The following KDM5C variants were observed in gnomAD, a reference collection of about 807,000 sequenced individuals.
KDM5C encodes the protein lysine-specific demethylase 5C.
In KDM5C, 16 loss-of-function variants were observed where a neutral mutation model predicts 110.6. The observed-to-expected ratio is 0.14, with a 90% confidence interval of 0.10 to 0.22. The LOEUF is 0.22. KDM5C is among the 10% of genes least tolerant of loss of function. The probability of loss-of-function intolerance (pLI) is 1.00; values close to 1 mark genes in which losing one functional copy is unlikely to be tolerated. For synonymous variants in KDM5C, 511 were observed against 520.4 expected (o/e 0.98, Z 0.24); for missense variants, 681 against 1,300.9 (o/e 0.52, Z 7.33).
At chrX:53,222,044 A>G (rs2073911461) in intron 1 of KDM5C, among the ~76,000 whole-genome samples, 1 of 111,378 alleles carries the variant, frequency 9.0e-6, no homozygotes, top group South Asian at 3.8e-4. Context: ...ATAAATGGGG[A>G]AAGTGAGGCT....
chrX:53,190,133 G>T (rs968213162), downstream of KDM5C, among the ~76,000 whole-genome samples: 1 of 112,253 alleles, frequency 8.9e-6, no homozygotes, highest in East Asian at 2.8e-4. Flanking sequence ...TGAGGGGGAG[G>T]GTGTCCCCTG....
intron 12 of KDM5C, among the ~76,000 whole-genome samples, chrX:53,203,048 C>T (rs976920697): frequency 3.6e-5 from 4 of 110,713 alleles, no homozygotes; most frequent in Non-Finnish European, 3.8e-5. Flanking sequence ...CCTCGTGATC[C>T]GCCCGCCTCG....
Position 53,192,873 on chromosome X carries a change from G to GCCCCCCCCCCCCCCC in KDM5C, c.*93_*94insGGGGGGGGGGGGGGG. ...AGCAGGGATGGCCACCCCCCTACCC[G>GCCCCCCCCCCCCCCC]CCCACCCCCCAAGAAGCAGGCTTGA... is the stretch of plus-strand genomic sequence containing the variant. On this transcript the variant is annotated 3_prime_UTR_variant, in exon 26 of 26. Coordinates refer to ENST00000375401, the MANE Select transcript of KDM5C (RefSeq NM_004187.5). The GCCCCCCCCCCCCCCC allele has an allele frequency of 8.7e-6, 2 of 230,670 alleles. No homozygotes were observed. Among genetic ancestry groups the GCCCCCCCCCCCCCCC allele is most frequent in the Non-Finnish European group, 1.3e-5 (2 of 159,369 alleles). 19.0% of individuals were successfully genotyped at this position (230,670 alleles called of 1,213,427 possible). A position where few individuals can be genotyped will look rare whatever the true frequency, so the allele number is the denominator to read the frequency against.
chrX:53,225,035 G>T lies in KDM5C; in HGVS notation c.-146C>A. ...CCGCCCGCCGAGGGCCTAAGGGGGC[G>T]TGTGGCCGTCGTGCTCTGAGAGTCT... On this transcript the variant is annotated 5_prime_UTR_variant, in exon 1 of 26. Coordinates refer to ENST00000375401, the MANE Select transcript of KDM5C (RefSeq NM_004187.5). 1.5e-6 allele frequency: 1 copy of T among 679,731 alleles called. No individual in the cohort carries two copies. Among genetic ancestry groups the T allele is most frequent in the Non-Finnish European group, 2.1e-6 (1 of 470,989 alleles). The allele number at this position is 679,731 out of a possible 1,213,427, so 56.0% of individuals were successfully genotyped here. A position where few individuals can be genotyped will look rare whatever the true frequency, so the allele number is the denominator to read the frequency against.
In KDM5C at chrX:53,225,126, C is replaced by T; in HGVS notation, c.-237G>A. ...TTTCTTCCAAACTGTGTGGTTGCCT[C>T]CCCACTACCGCAGCCTTCGCCACCA... On this transcript the variant is annotated 5_prime_UTR_variant, in exon 1 of 26. Transcript: ENST00000375401. 2.7e-6 allele frequency: 1 copy of T among 369,337 alleles called. No individual in the cohort carries two copies. The highest frequency in any genetic ancestry group is 4.4e-5 in the East Asian group (1 of 22,924). The allele number at this position is 369,337 out of a possible 1,213,427, so 30.4% of individuals were successfully genotyped here. A position where few individuals can be genotyped will look rare whatever the true frequency, so the allele number is the denominator to read the frequency against.
rs782096620 is a variant in KDM5C, at chrX:53,195,982, G to A, written c.3054C>T (p.Asn1018=). ...CAAGAGCCTCCTTGAGAGCCTGGAT[G>A]TTGGGCAGGTGAACAGGGATGTTTT... ...EAENIPVHLP[N]IQALKEALAK... The change falls in exon 20 of 26, where the codon AAC becomes AAT. Residue 1018 remains asparagine, a synonymous_variant. Coordinates refer to ENST00000375401, the MANE Select transcript of KDM5C (RefSeq NM_004187.5). The A allele has an allele frequency of 6.6e-6, 8 of 1,209,974 alleles. No individual in the cohort carries two copies. Among genetic ancestry groups the A allele is most frequent in the African/African-American group, 1.7e-5 (1 of 57,552 alleles).
At chrX:53,210,379 C>T (rs1556848154) in intron 12 of KDM5C, 35 bp downstream of exon 12, 3 of 1,208,727 alleles carry the variant, frequency 2.5e-6, no homozygotes, top group Admixed American at 4.3e-5. Context: ...CACTAAATCA[C>T]TCCTGCCGCT....
intron 19 of KDM5C, 141 bp downstream of exon 19, chrX:53,196,545 T>C (rs1055837506): frequency 3.2e-5 from 17 of 536,138 alleles, no homozygotes; most frequent in South Asian, 2.0e-4. Flanking sequence ...AACGACAAGA[T>C]AGACAACAAA....
intron 14 of KDM5C, chrX:53,201,330 T>C (rs2146862477): frequency 6.7e-6 from 3 of 444,668 alleles, no homozygotes; most frequent in East Asian, 3.8e-5. Context: ...ATAAGCATTA[T>C]CATAATCCCA....
intron 19 of KDM5C, among the ~76,000 whole-genome samples, 167 bp downstream of exon 19, chrX:53,196,519 A>G (rs781862584): frequency 9.0e-6 from 1 of 111,681 alleles, no homozygotes; most frequent in Non-Finnish European, 1.9e-5. Flanking sequence ...AAGTATACAG[A>G]GTTGTTTTTT....
intron 21 of KDM5C, 30 bp from the exon 22 acceptor site, chrX:53,195,098 C>A: frequency 1.7e-6 from 2 of 1,201,513 alleles, no homozygotes; most frequent in Non-Finnish European, 2.2e-6. Flanking sequence ...GAGGGAATGA[C>A]TGGGCTTCCC....
At position 53,201,710 on chromosome X, in the gene KDM5C, C is replaced by T. The variant is rs2146866623; in HGVS notation, c.1901G>A (p.Arg634His). 1 of 1,211,935 alleles carries T rather than the reference C, an allele frequency of 8.3e-7. No homozygotes were observed. Residue 634 changes from arginine to histidine, a missense_variant, in exon 14 of 26, where the codon CGC becomes CAC. Around this residue, in one of 14 missense-constraint regions of KDM5C, gnomAD observed 41 missense variants for 205.9 expected, o/e 0.20. Coordinates refer to ENST00000375401, the MANE Select transcript of KDM5C (RefSeq NM_004187.5). ...GAAGACGCAGTATCTCCGGAGCCGGCGGTAGTGCTCAATGCACTGGCGCCC... is the reference window on the plus strand; with the variant it reads ...GAAGACGCAGTATCTCCGGAGCCGGTGGTAGTGCTCAATGCACTGGCGCCC... ...PAGRQCIEHY[R>H]RLRRYCVFSH... is the part of the protein sequence containing the mutation.
At chrX:53,188,437 G>T (rs111998764), downstream of KDM5C, among the ~76,000 whole-genome samples, 1,915 of 108,072 alleles carry the variant, frequency 0.018, 38 homozygotes, top group African/African-American at 0.059. Flanking sequence ...GTGCAATGGC[G>T]CGATCTTGGC....
chrX:53,202,072 A>G lies in KDM5C; in HGVS notation c.1747-99T>C. On this transcript the variant is annotated intron_variant, in intron 12 of 25. Transcript: ENST00000375401. The stretch of plus-strand genomic sequence containing the variant: ...AATTAAGGAGACAAAGAAAAGCCTC[A>G]GGGAACACAGTCTGACAACAGAATC... 3 of 1,016,751 alleles carry G rather than the reference A, an allele frequency of 3.0e-6. No individual in the cohort carries two copies. In the Admixed American group the frequency reaches 6.7e-5, roughly 23 times the overall value. 83.8% of individuals were successfully genotyped at this position (1,016,751 alleles called of 1,213,427 possible). A position where few individuals can be genotyped will look rare whatever the true frequency, so the allele number is the denominator to read the frequency against.
chrX:53,222,066 A>AC (rs1319930248), intron 1 of KDM5C, among the ~76,000 whole-genome samples: 1 of 111,393 alleles, frequency 9.0e-6, no homozygotes, highest in African/African-American at 3.3e-5. Context: ...AGAGAAAAAA[A>AC]GTGAAATTTC....
At chrX:53,212,262 G>T in intron 8 of KDM5C, 1 of 196,422 alleles carries the variant, frequency 5.1e-6, no homozygotes, top group Non-Finnish European at 9.3e-6. Flanking sequence ...ATGCTATCCT[G>T]TGTTCTTCTG....
chrX:53,196,066 G>A lies in KDM5C; in HGVS notation c.2982-12C>T. On this transcript the variant is annotated splice_polypyrimidine_tract_variant and intron_variant, in intron 19 of 25. Transcript: ENST00000375401. Reference sequence around the variant, plus strand: ...GTGGATGCTTCTGCCTAAAGGTAAGGAAAAAAAGAACGCTCAGTCTGATGT... The same window carrying A: ...GTGGATGCTTCTGCCTAAAGGTAAGAAAAAAAAGAACGCTCAGTCTGATGT... The A allele has an allele frequency of 8.3e-7, 1 of 1,210,898 alleles. No individual in the cohort carries two copies. The highest frequency in any genetic ancestry group is 1.1e-6 in the Non-Finnish European group (1 of 894,808).
chrX:53,179,278 A>G (rs993476256), intron 25 of KDM5C, among the ~76,000 whole-genome samples: 1 of 109,873 alleles, frequency 9.1e-6, no homozygotes, highest in Non-Finnish European at 1.9e-5. Context: ...GTGAGCCGAG[A>G]TCGTGCCATT....
chrX:53,197,346 C>T (rs962341273), intron 18 of KDM5C, among the ~76,000 whole-genome samples: 1 of 111,436 alleles, frequency 9.0e-6, no homozygotes, highest in Non-Finnish European at 1.9e-5. Context: ...GGGCTCTGTT[C>T]TCAGGGCACC....
Sources: gnomAD v4.1 joint callset for allele counts (sites outside exome capture counted in the v4.1 genomes callset) on GRCh38, gnomAD v4.1.1 for gene constraint, gnomAD v4.1.1 regional missense constraint, MANE v1.5 for transcripts, NCBI Gene and HGNC (gene_info 2026-07-23, HGNC 2026-07-21) for gene names.